The following PCNX2 variants were observed in gnomAD, a reference collection of about 807,000 sequenced individuals.
PCNX2 encodes the protein pecanex 2, also known as pecanex-like protein 2.
Under a neutral mutation model 223.8 loss-of-function variants are expected in PCNX2, and 168 were observed. That is an observed-to-expected ratio of 0.75 (90% confidence interval 0.66 to 0.85). The LOEUF (loss-of-function observed/expected upper bound fraction) is 0.85, where lower values mean the gene tolerates loss of function less well. Ranked by LOEUF, PCNX2 falls within the 40% of genes least tolerant of loss-of-function variation. The probability of loss-of-function intolerance (pLI) is 0.00; values close to 1 mark genes in which losing one functional copy is unlikely to be tolerated. For missense variants in PCNX2, 2,507 were observed against 2,675.5 expected, an observed-to-expected ratio of 0.94 and a Z score of 1.39; for synonymous variants, 1,006 against 1,052.6, an observed-to-expected ratio of 0.96 and a Z score of 0.86.
At chr1:233,006,319 C>T (rs902469830) in intron 28 of PCNX2, among the ~76,000 whole-genome samples, 2 of 152,192 alleles carry the variant, frequency 1.3e-5, no homozygotes, top group Non-Finnish European at 2.9e-5. Flanking sequence ...ACTTGCTGTC[C>T]TTCTGGTTCC....
chr1:233,195,905 T>C (rs912636698), intron 15 of PCNX2, among the ~76,000 whole-genome samples: 5 of 152,162 alleles, frequency 3.3e-5, no homozygotes, highest in African/African-American at 1.2e-4. Context: ...CAAATTTTGG[T>C]AGGAATTGTC....
chr1:233,161,869 T>C (rs1393348300), intron 17 of PCNX2, among the ~76,000 whole-genome samples: 3 of 151,798 alleles, frequency 2.0e-5, no homozygotes, highest in East Asian at 3.9e-4. Context: ...CTCTTATACG[T>C]TTCTTATTGC....
rs375562777 is a variant in PCNX2 at position 233,227,307 on chromosome 1, T to C, written c.2423A>G (p.Gln808Arg). The stretch of plus-strand genomic sequence containing the variant: ...AGGGAAAATGATAAATTTGTAAAAC[T>C]GCTCTCGGTTAAATTTTCCTTGTGT... ...SSTQGKFNREQFYKFIIFPGK... is the reference protein window; with the variant it reads ...SSTQGKFNRERFYKFIIFPGK... Residue 808 changes from glutamine to arginine, a missense_variant, in exon 10 of 34, where the codon CAG becomes CGG. By Grantham distance (43) the Gln-to-Arg change is conservative (BLOSUM62 1). This residue lies in a region of PCNX2 where 1,031 missense variants were observed against 1,021.7 expected (regional missense o/e 1.01). Coordinates refer to ENST00000258229, the MANE Select transcript of PCNX2 (RefSeq NM_014801.4). The C allele has an allele frequency of 4.3e-6, 7 of 1,613,706 alleles. No homozygotes were observed. Among genetic ancestry groups the C allele is most frequent in the Non-Finnish European group, 5.9e-6 (7 of 1,179,732 alleles).
At chr1:233,081,466 C>T (rs556626760) in intron 23 of PCNX2, among the ~76,000 whole-genome samples, 3 of 152,280 alleles carry the variant, frequency 2.0e-5, no homozygotes, top group Non-Finnish European at 2.9e-5. Flanking sequence ...TGAGGATCAT[C>T]GAGGCTTCAT....
intron 18 of PCNX2, 143 bp downstream of exon 18, chr1:233,161,128 G>C (rs1678446258): frequency 1.5e-6 from 1 of 673,106 alleles, no homozygotes; most frequent in Non-Finnish European, 2.6e-6. Context: ...ACAGTACATG[G>C]ATTCATTCCC....
intron 26 of PCNX2, among the ~76,000 whole-genome samples, chr1:233,018,582 T>C (rs1670766795): frequency 6.6e-6 from 1 of 152,206 alleles, no homozygotes; most frequent in African/African-American, 2.4e-5. Flanking sequence ...GGCTAGCACC[T>C]GGCCTCAAGA....
intron 12 of PCNX2, among the ~76,000 whole-genome samples, chr1:233,213,100 T>C (rs1681908994): frequency 6.6e-6 from 1 of 152,182 alleles, no homozygotes; most frequent in Admixed American, 6.5e-5. Context: ...TGACCAGTCC[T>C]CCTCAAAACT....
intron 19 of PCNX2, among the ~76,000 whole-genome samples, chr1:233,155,655 T>G (rs1571984178): frequency 6.6e-6 from 1 of 152,310 alleles, no homozygotes; most frequent in East Asian, 1.9e-4. Context: ...CATAATATTA[T>G]GGAAACATTA....
At chr1:233,143,017 C>T (rs1050983511) in intron 19 of PCNX2, among the ~76,000 whole-genome samples, 2 of 152,156 alleles carry the variant, frequency 1.3e-5, no homozygotes, top group Admixed American at 6.5e-5. Flanking sequence ...TTAATTATTA[C>T]TTCCATGCTG....
At chr1:233,071,775 C>A (rs776292635) in intron 23 of PCNX2, among the ~76,000 whole-genome samples, 1 of 152,158 alleles carries the variant, frequency 6.6e-6, no homozygotes, top group Non-Finnish European at 1.5e-5. Flanking sequence ...AGTGTATAAG[C>A]ATTCCTTTTT....
intron 8 of PCNX2, among the ~76,000 whole-genome samples, chr1:233,242,017 T>C (rs1658801345): frequency 6.6e-6 from 1 of 152,124 alleles, no homozygotes; most frequent in Admixed American, 6.6e-5. Context: ...TGAAAGTTAA[T>C]CCCAATAAGT....
chr1:232,984,619 A>G, intron 33 of PCNX2, 142 bp from the exon 34 acceptor site: 1 of 896,652 alleles, frequency 1.1e-6, no homozygotes. Context: ...AGTCAGGTCA[A>G]ATGATAGAGG....
intron 10 of PCNX2, among the ~76,000 whole-genome samples, chr1:233,224,609 T>C (rs1657585717): frequency 6.6e-6 from 1 of 152,192 alleles, no homozygotes; most frequent in Admixed American, 6.5e-5. Flanking sequence ...ACAGCCCTGT[T>C]TGGGGATTAT....
rs140236897 is a variant in PCNX2 at position 233,204,420 on chromosome 1, G to T, written c.2863+4098C>A. Among the ~76,000 whole-genome samples the T allele has an allele frequency of 5.2e-3, 796 of 152,216 alleles. 13 individuals carry two copies. The highest frequency in any genetic ancestry group is 4.1e-3 in the Non-Finnish European group (277 of 68,014). ...TTACAGCGGCTCTAGGAAGTATTACGCTTCCTAGAGCTGTACACTTCTTTT... is the reference window on the plus strand; with the variant it reads ...TTACAGCGGCTCTAGGAAGTATTACTCTTCCTAGAGCTGTACACTTCTTTT... On this transcript the variant is annotated intron_variant, in intron 13 of 33. Coordinates refer to ENST00000258229, the MANE Select transcript of PCNX2 (RefSeq NM_014801.4).
chr1:233,147,061 A>C (rs1316316378), intron 19 of PCNX2, among the ~76,000 whole-genome samples: 1 of 152,232 alleles, frequency 6.6e-6, no homozygotes, highest in Non-Finnish European at 1.5e-5. Context: ...CAAATATTTC[A>C]GAGTGAAATA....
intron 12 of PCNX2, 137 bp from the exon 13 acceptor site, chr1:233,208,826 C>CAAAAAAAAAAAAAAAAAAAAAAAAAGA (rs71173255): frequency 5.0e-5 from 3 of 59,534 alleles, no homozygotes; most frequent in Non-Finnish European, 9.5e-5. Flanking sequence ...AATTCATATA[C>CAAAAAAAAAAAAAAAAAAAAAAAAAGA]AAAAAAAAAA....
intron 1 of PCNX2, among the ~76,000 whole-genome samples, chr1:233,289,832 A>G (rs564609099): frequency 1.6e-4 from 24 of 152,372 alleles, no homozygotes; most frequent in African/African-American, 5.8e-4. Context: ...TCAAGAGAAT[A>G]ACAACAATCA....
At chr1:233,103,209 A>G (rs969333137) in intron 21 of PCNX2, among the ~76,000 whole-genome samples, 1 of 152,154 alleles carries the variant, frequency 6.6e-6, no homozygotes, top group African/African-American at 2.4e-5. Context: ...ATAGGCATGC[A>G]ATACGTAATA....
chr1:233,035,585 C>T (rs567172697), intron 25 of PCNX2, among the ~76,000 whole-genome samples: 8 of 152,330 alleles, frequency 5.3e-5, no homozygotes, highest in African/African-American at 1.7e-4. Flanking sequence ...AGCACAATCA[C>T]GCTCTCACTC....
Sources: gnomAD v4.1 joint callset for allele counts (sites outside exome capture counted in the v4.1 genomes callset) on GRCh38, gnomAD v4.1.1 for gene constraint, gnomAD v4.1.1 regional missense constraint, MANE v1.5 for transcripts, NCBI Gene and HGNC (gene_info 2026-07-23, HGNC 2026-07-21) for gene names.